PCDHGA2: variants seen among roughly 807,000 people sequenced by gnomAD.
The protein encoded by PCDHGA2 is protocadherin gamma subfamily A, 2.
PCDHGA2 carries 40 observed loss-of-function variants against 59.2 expected under a neutral mutation model. The ratio of observed to expected loss-of-function variants is 0.68; its 90% CI spans 0.52 to 0.88. The LOEUF is 0.88. Among genes scored for constraint, PCDHGA2 ranks in the 40% least tolerant of loss-of-function variants. PCDHGA2 has a pLI of 0.00. For synonymous variants in PCDHGA2, 560 were observed against 526.0 expected, an observed-to-expected ratio of 1.06 and a Z score of -0.89; for missense variants, 1,226 against 1,204.0, an observed-to-expected ratio of 1.02 and a Z score of -0.27.
Position 141,477,673 on chromosome 5 carries a change from G to A in PCDHGA2, c.2425-17134G>A. The A allele has an allele frequency of 1.2e-6, 2 of 1,614,168 alleles. No individual in the cohort carries two copies. The highest frequency in any genetic ancestry group is 8.5e-7 in the Non-Finnish European group (1 of 1,180,050). ...CAATAAATCGTGACAATGGCATAGT[G>A]TCATCCTTAGTGCCCCTAGACTATG... On this transcript the variant is annotated intron_variant, in intron 1 of 3. Coordinates refer to ENST00000394576, the MANE Select transcript of PCDHGA2 (RefSeq NM_018915.4). This position sits in a 1 kb window ranked among gnomAD's most constrained non-coding sequence, Gnocchi z 4.9.
intron 1 of PCDHGA2, chr5:141,373,990 G>A: frequency 8.2e-7 from 1 of 1,221,932 alleles, no homozygotes; most frequent in East Asian, 2.8e-5. Flanking sequence ...TCTGCTTGTT[G>A]AAGGACCTTC....
chr5:141,418,497 CCG>C, intron 1 of PCDHGA2: 1 of 1,613,994 alleles, frequency 6.2e-7, no homozygotes, highest in Non-Finnish European at 8.5e-7. Flanking sequence ...TTGGTACTGA[CCG>C]CCTTAGATGG....
intron 1 of PCDHGA2, chr5:141,350,236 A>G (rs1298740277): frequency 4.7e-6 from 7 of 1,503,566 alleles, no homozygotes; most frequent in Middle Eastern, 1.8e-4. Flanking sequence ...CCCAGAGGAA[A>G]GAAGCTCCGC....
chr5:141,474,837 C>T (rs1250443544), intron 1 of PCDHGA2, among the ~76,000 whole-genome samples: 2 of 152,214 alleles, frequency 1.3e-5, no homozygotes, highest in Admixed American at 6.5e-5. Flanking sequence ...CTGTGCCAGG[C>T]ACTTTACCTG....
rs748154971 is a variant in PCDHGA2, at chr5:141,345,539, C to A, written c.2424+4144C>A. 4.3e-6 allele frequency: 7 copies of A among 1,614,198 alleles called. No individual in the cohort carries two copies. In the South Asian group the frequency reaches 7.7e-5, roughly 18 times the overall value. ...ACACTCTCCAGGGGGCGCCCCTGTC[C>A]TCCTTCGTCTCTATCAACTCCAACA... On this transcript the variant is annotated intron_variant, in intron 1 of 3. Coordinates refer to ENST00000394576, the MANE Select transcript of PCDHGA2 (RefSeq NM_018915.4).
intron 1 of PCDHGA2, chr5:141,404,696 G>A (rs757662807): frequency 6.2e-7 from 1 of 1,614,104 alleles, no homozygotes; most frequent in Non-Finnish European, 8.5e-7. Context: ...ACCCCGCTCT[G>A]CAGAGCCTGG....
At position 141,502,349 on chromosome 5, in the gene PCDHGA2, T is replaced by C. The variant is rs369766657; in HGVS notation, c.2484-3044T>C. 1.3e-3 allele frequency among the ~76,000 whole-genome samples: 200 copies of C among 152,292 alleles called. 3 individuals carry two copies. In the South Asian group the frequency reaches 0.034, roughly 26 times the overall value. On this transcript the variant is annotated intron_variant, in intron 2 of 3. Transcript: ENST00000394576. ...GCTCCCAGTCTTTTTATTTTTTTAA[T>C]GACATGGATATTTTTAAAGAGTCCA...
In PCDHGA2 at chr5:141,418,047, C is replaced by G. The variant is rs968352679; in HGVS notation, c.2424+76652C>G. The G allele has an allele frequency of 6.2e-6, 10 of 1,613,894 alleles. No individual in the cohort carries two copies. The highest frequency in any genetic ancestry group is 1.6e-4 in the Middle Eastern group (1 of 6,076). ...GGGCTTAGTGTCCTGGATGTGTCGG[C>G]TCGCGAGCTGCGAGTGAGCGCGGAG... On this transcript the variant is annotated intron_variant, in intron 1 of 3. Transcript: ENST00000394576.
At position 141,338,999 on chromosome 5, in the gene PCDHGA2, T is replaced by C. The variant is rs191299749; in HGVS notation, c.28T>C (p.Cys10Arg). The C allele has an allele frequency of 5.2e-3, 7,996 of 1,551,596 alleles. 43 individuals carry two copies. The highest frequency in any genetic ancestry group is 9.6e-3 in the Admixed American group (467 of 48,710). Residue 10 changes from cysteine (C) to arginine (R), a missense_variant, in exon 1 of 4, where the codon TGC becomes CGC. Transcript: ENST00000394576. MAALQKLPH[C>R]RKLVLLCFLL... is the part of the protein sequence containing the mutation. ...GGCGGCTCTGCAAAAGTTGCCACAC[T>C]GCAGAAAGCTGGTCCTGCTGTGCTT...
intron 1 of PCDHGA2, chr5:141,479,537 T>C (rs1299169562): frequency 6.6e-6 from 1 of 152,230 alleles, no homozygotes; most frequent in Non-Finnish European, 1.5e-5. Context: ...GTGGAGAAGG[T>C]CAAAACTGCT....
intron 1 of PCDHGA2, chr5:141,419,724 G>A (rs200134846): frequency 1.9e-4 from 301 of 1,613,488 alleles, no homozygotes; most frequent in South Asian, 1.2e-3. Context: ...CTGGGGCTGC[G>A]AACAGGCGAG....
intron 1 of PCDHGA2, chr5:141,415,030 G>A (rs374572942): frequency 1.2e-6 from 2 of 1,613,460 alleles, no homozygotes; most frequent in African/African-American, 2.7e-5. Flanking sequence ...CAGCGAGCCG[G>A]GACTCTTCGC....
chr5:141,427,126 C>T (rs1216633922), intron 1 of PCDHGA2: 1 of 457,282 alleles, frequency 2.2e-6, no homozygotes, highest in Non-Finnish European at 4.4e-6. Context: ...TCTTTCAAAT[C>T]CCTACGAGAT....
chr5:141,387,670 C>T, intron 1 of PCDHGA2: 1 of 694,130 alleles, frequency 1.4e-6, no homozygotes, highest in Non-Finnish European at 2.3e-6. Flanking sequence ...CGCTCCAGAT[C>T]TCCTCGCGCA....
chr5:141,389,741 G>T (rs537380299), intron 1 of PCDHGA2: 31 of 1,612,676 alleles, frequency 1.9e-5, no homozygotes, highest in Admixed American at 6.7e-5. Context: ...GCCTGGGGCT[G>T]CGCACGGGCG....
chr5:141,497,323 G>A lies in PCDHGA2; in HGVS notation c.2483+2458G>A, dbSNP rs373068300. Reference sequence around the variant, plus strand: ...CAGGCCATACACTGGCTTTGAAGCAGAATTCACCATTGAACCTGGAAGCCC... The same window carrying A: ...CAGGCCATACACTGGCTTTGAAGCAAAATTCACCATTGAACCTGGAAGCCC... On this transcript the variant is annotated intron_variant, in intron 2 of 3. Transcript: ENST00000394576. 1.2e-4 allele frequency among the ~76,000 whole-genome samples: 19 copies of A among 152,204 alleles called. No homozygotes were observed. In the East Asian group the frequency reaches 3.5e-3, roughly 28 times the overall value.
chr5:141,371,874 A>G, intron 1 of PCDHGA2: 2 of 1,613,474 alleles, frequency 1.2e-6, no homozygotes, highest in Non-Finnish European at 1.7e-6. Flanking sequence ...CATCGTGGCC[A>G]GTGACCTGGA....
chr5:141,422,398 C>T lies in PCDHGA2; in HGVS notation c.2425-72409C>T, dbSNP rs2096646163. On this transcript the variant is annotated intron_variant, in intron 1 of 3. Transcript: ENST00000394576. Reference sequence around the variant, plus strand: ...AGTCTCCTGTTTTATTCCTAACCACCTGCCTTTTAAATTAGAAAAGACTTA... The same window carrying T: ...AGTCTCCTGTTTTATTCCTAACCACTTGCCTTTTAAATTAGAAAAGACTTA... The T allele has an allele frequency of 1.9e-6, 3 of 1,597,634 alleles. No individual in the cohort carries two copies. In the Admixed American group the frequency reaches 5.3e-5, roughly 28 times the overall value.
chr5:141,345,586 G>A (rs1315258151), intron 1 of PCDHGA2: 3 of 1,614,210 alleles, frequency 1.9e-6, no homozygotes, highest in East Asian at 4.5e-5. Context: ...TACGCGCTGA[G>A]ATCCTTCGAC....
Sources: allele counts gnomAD v4.1 joint callset (sites outside exome capture counted in the v4.1 genomes callset), GRCh38; gene constraint gnomAD v4.1.1; non-coding constraint Gnocchi (gnomAD v3.1); transcripts MANE v1.5; gene names NCBI Gene and HGNC (gene_info 2026-07-23, HGNC 2026-07-21).